NAA35: variants seen among roughly 807,000 people sequenced by gnomAD.
NAA35 encodes N-alpha-acetyltransferase 35, NatC auxiliary subunit.
Under a neutral mutation model 101.7 loss-of-function variants are expected in NAA35, and 18 were observed. The ratio of observed to expected loss-of-function variants is 0.18; its 90% CI spans 0.12 to 0.26. The LOEUF (loss-of-function observed/expected upper bound fraction) is 0.26, where lower values mean the gene tolerates loss of function less well. Among genes scored for constraint, NAA35 ranks in the 10% least tolerant of loss-of-function variants. The pLI, the probability that NAA35 is intolerant of heterozygous loss-of-function variation, is 1.00. For synonymous variants in NAA35, 267 were observed against 273.1 expected (o/e 0.98, Z 0.22); for missense variants, 601 against 886.8 (o/e 0.68, Z 4.09).
At chr9:85,983,787 A>G (rs1830534914) in intron 11 of NAA35, among the ~76,000 whole-genome samples, 1 of 152,138 alleles carries the variant, frequency 6.6e-6, no homozygotes. Context: ...CATGTTCTGC[A>G]CATGTATCCC....
Position 85,965,716 on chromosome 9 carries a change from G to C in NAA35, c.516+3536G>C, listed in dbSNP as rs141368129. On this transcript the variant is annotated intron_variant, in intron 6 of 22. Coordinates refer to ENST00000361671, the MANE Select transcript of NAA35 (RefSeq NM_024635.4). ...GAGATTGATTTATGTGTAGAGATAA[G>C]ATTAGATTTCTAAAGTGAGAAAAGT... Among the ~76,000 whole-genome samples, 6 of 152,200 alleles carry C rather than the reference G, an allele frequency of 3.9e-5. No homozygotes were observed. In the East Asian group the frequency reaches 1.2e-3, roughly 29 times the overall value.
intron 11 of NAA35, among the ~76,000 whole-genome samples, chr9:85,995,297 TTTAAA>T (rs1486105407): frequency 1.3e-5 from 2 of 149,988 alleles, no homozygotes; most frequent in Non-Finnish European, 3.0e-5. Context: ...AAAATAATTA[TTTAAA>T]TTATTTTATT....
At chr9:85,959,938 C>G in intron 5 of NAA35, 71 bp downstream of exon 5, 1 of 1,119,416 alleles carries the variant, frequency 8.9e-7, no homozygotes. Context: ...ATTTAAAAGC[C>G]TATACACTAA....
intron 2 of NAA35, among the ~76,000 whole-genome samples, chr9:85,953,398 A>G (rs563158586): frequency 6.6e-6 from 1 of 151,780 alleles, no homozygotes; most frequent in East Asian, 1.9e-4. Context: ...TCCTCTCCCC[A>G]TTCTCTGGCA....
At chr9:86,006,697 A>G (rs1351264132) in intron 13 of NAA35, among the ~76,000 whole-genome samples, 1 of 152,174 alleles carries the variant, frequency 6.6e-6, no homozygotes. Flanking sequence ...AGGGTGATAC[A>G]GGTGATACAG....
chr9:85,959,222 A>G (rs1472097755), intron 4 of NAA35, among the ~76,000 whole-genome samples: 3 of 151,948 alleles, frequency 2.0e-5, no homozygotes, highest in South Asian at 2.1e-4. Context: ...TAAAAATACA[A>G]AAAATTAGCT....
intron 3 of NAA35, among the ~76,000 whole-genome samples, chr9:85,957,458 A>T (rs1296522567): frequency 6.6e-6 from 1 of 152,122 alleles, no homozygotes; most frequent in Non-Finnish European, 1.5e-5. Flanking sequence ...GGTCAACTGT[A>T]ATTCGTTCCT....
intron 21 of NAA35, among the ~76,000 whole-genome samples, chr9:86,019,969 C>T (rs987899486): frequency 1.1e-4 from 16 of 152,172 alleles, no homozygotes; most frequent in African/African-American, 3.9e-4. Context: ...GAATACTGTG[C>T]AGCCTTAAGA....
At position 85,957,014 on chromosome 9, in the gene NAA35, A is replaced by G. The variant is rs368698934; in HGVS notation, c.158+621A>G. Among the ~76,000 whole-genome samples the G allele has an allele frequency of 2.0e-5, 3 of 151,858 alleles. No homozygotes were observed. The East Asian group carries it at 5.8e-4, about 29-fold the overall frequency. ...GAAGTCAGAGTCTTTAAAACAAACC[A>G]CCCTCTTGGGTAGTATCGTTGACCC... On this transcript the variant is annotated intron_variant, in intron 3 of 22. Coordinates refer to ENST00000361671, the MANE Select transcript of NAA35 (RefSeq NM_024635.4).
At chr9:86,015,831 T>C in intron 17 of NAA35, 1 of 960,760 alleles carries the variant, frequency 1.0e-6, no homozygotes, top group South Asian at 4.8e-5. Context: ...ATAGAAATCC[T>C]TCACTTGAAT....
At chr9:86,014,133 T>TAA (rs1227618692) in intron 17 of NAA35, among the ~76,000 whole-genome samples, 1 of 152,242 alleles carries the variant, frequency 6.6e-6, no homozygotes, top group Non-Finnish European at 1.5e-5. Flanking sequence ...GACTCCAAAG[T>TAA]AAATGGATTA....
chr9:85,949,966 CTT>C (rs1350326091), intron 2 of NAA35, among the ~76,000 whole-genome samples: 2 of 152,128 alleles, frequency 1.3e-5, no homozygotes, highest in African/African-American at 4.8e-5. Context: ...CTGTTACTCT[CTT>C]GTTAGTATAC....
chr9:85,987,296 A>G (rs904266156), intron 11 of NAA35, among the ~76,000 whole-genome samples: 1 of 152,228 alleles, frequency 6.6e-6, no homozygotes, highest in Non-Finnish European at 1.5e-5. Flanking sequence ...TTAAAAATAG[A>G]TTAAAATATG....
At chr9:85,992,694 G>T (rs564160971) in intron 11 of NAA35, among the ~76,000 whole-genome samples, 3 of 152,300 alleles carry the variant, frequency 2.0e-5, no homozygotes, top group East Asian at 3.9e-4. Context: ...GTCAAGGAAA[G>T]ACTGAAGAAC....
At chr9:85,961,031 A>AG (rs1829490705) in intron 5 of NAA35, among the ~76,000 whole-genome samples, 3 of 152,142 alleles carry the variant, frequency 2.0e-5, no homozygotes, top group African/African-American at 7.2e-5. Flanking sequence ...AGAGTGGTGG[A>AG]GAAGGAGGAA....
At position 86,025,405 on chromosome 9, in the gene NAA35, T is replaced by G. The variant is rs778459353; in HGVS notation, c.*3445T>G. ...AGCGACTCAACTGGGCTTGAAGAAC[T>G]GACTTCCCCATATTCATACTTGCCC... is the stretch of plus-strand genomic sequence containing the variant. On this transcript the variant is annotated 3_prime_UTR_variant, in exon 23 of 23. Coordinates refer to ENST00000361671, the MANE Select transcript of NAA35 (RefSeq NM_024635.4). 2.6e-5 allele frequency among the ~76,000 whole-genome samples: 4 copies of G among 152,166 alleles called. No homozygotes were observed. The highest frequency in any genetic ancestry group is 5.9e-5 in the Non-Finnish European group (4 of 68,026).
At chr9:85,973,784 T>G (rs1830099638) in intron 6 of NAA35, among the ~76,000 whole-genome samples, 1 of 152,008 alleles carries the variant, frequency 6.6e-6, no homozygotes, top group South Asian at 2.1e-4. Flanking sequence ...ATGTAAGTCA[T>G]AAAATACACC....
intron 11 of NAA35, among the ~76,000 whole-genome samples, chr9:85,984,655 A>G (rs1175832280): frequency 1.3e-5 from 2 of 152,244 alleles, no homozygotes; most frequent in African/African-American, 2.4e-5. Flanking sequence ...CAATGAAGAC[A>G]GTGTAGTTCT....
At chr9:86,021,832 T>C (rs1320297418) in intron 22 of NAA35, 69 bp from the exon 23 acceptor site, 19 of 1,236,318 alleles carry the variant, frequency 1.5e-5, no homozygotes, top group African/African-American at 3.1e-5. Flanking sequence ...AAAATAAAAA[T>C]AGTCTTTGTT....
Sources: allele counts gnomAD v4.1 joint callset (sites outside exome capture counted in the v4.1 genomes callset), GRCh38; gene constraint gnomAD v4.1.1; transcripts MANE v1.5; gene names NCBI Gene and HGNC (gene_info 2026-07-23, HGNC 2026-07-21).